PAMR1: variants seen among roughly 807,000 people sequenced by gnomAD.
The protein encoded by PAMR1 is inactive serine protease PAMR1.
PAMR1 carries 88 observed loss-of-function variants against 81.8 expected under a neutral mutation model. The observed-to-expected ratio is 1.08, with a 90% confidence interval of 0.91 to 1.28. The LOEUF is 1.28. Ranked by LOEUF, PAMR1 falls within the 50% of genes most tolerant of loss-of-function variation. PAMR1 has a pLI of 0.00. For synonymous variants in PAMR1, 336 were observed against 345.3 expected (o/e 0.97, Z 0.30); for missense variants, 935 against 919.7 (o/e 1.02, Z -0.21).
chr11:35,482,995 C>T (rs924370816), intron 3 of PAMR1, among the ~76,000 whole-genome samples: 2 of 152,192 alleles, frequency 1.3e-5, no homozygotes, highest in African/African-American at 4.8e-5. Flanking sequence ...TCCATTTCAT[C>T]ACCCATGCTC....
At chr11:35,468,263 G>T (rs1714638425) in intron 5 of PAMR1, among the ~76,000 whole-genome samples, 155 bp from the exon 6 acceptor site, 1 of 152,094 alleles carries the variant, frequency 6.6e-6, no homozygotes, top group Admixed American at 6.5e-5. Context: ...ATTTGAAAAT[G>T]CCTAAAATAG....
intron 1 of PAMR1, among the ~76,000 whole-genome samples, chr11:35,523,947 T>C (rs1396814900): frequency 6.6e-6 from 1 of 152,196 alleles, no homozygotes; most frequent in Non-Finnish European, 1.5e-5. Flanking sequence ...TCAGGTTTTT[T>C]TATTTTCTTT....
At chr11:35,516,111 G>T (rs970686839) in intron 1 of PAMR1, among the ~76,000 whole-genome samples, 2 of 152,158 alleles carry the variant, frequency 1.3e-5, no homozygotes, top group African/African-American at 4.8e-5. Flanking sequence ...TTTAATACCT[G>T]CAGTCAACCT....
At position 35,484,473 on chromosome 11, in the gene PAMR1, G is replaced by A. The variant is rs562974075; in HGVS notation, c.379+7572C>T. Reference sequence around the variant, plus strand: ...CGCAGCTCCCCTGGAGGGCAGCCCCGAAAGTCAGTAACACACAGCTTTGTA... The same window carrying A: ...CGCAGCTCCCCTGGAGGGCAGCCCCAAAAGTCAGTAACACACAGCTTTGTA... On this transcript the variant is annotated intron_variant, in intron 3 of 10. Transcript: ENST00000619888. Among the ~76,000 whole-genome samples the A allele has an allele frequency of 5.3e-5, 8 of 152,268 alleles. No individual in the cohort carries two copies. The South Asian group carries it at 1.7e-3, about 32-fold the overall frequency.
At chr11:35,490,489 T>C (rs929873732) in intron 3 of PAMR1, among the ~76,000 whole-genome samples, 5 of 152,202 alleles carry the variant, frequency 3.3e-5, no homozygotes, top group Admixed American at 6.5e-5. Flanking sequence ...TCTCAAACTA[T>C]TATTGAAAGT....
intron 1 of PAMR1, among the ~76,000 whole-genome samples, chr11:35,507,513 T>C (rs1446422917): frequency 2.0e-5 from 3 of 152,230 alleles, no homozygotes; most frequent in Non-Finnish European, 4.4e-5. Flanking sequence ...CTGATAAATT[T>C]CTGAATTAAT....
At chr11:35,445,602 A>G (rs1175304345) in intron 6 of PAMR1, among the ~76,000 whole-genome samples, 2 of 151,742 alleles carry the variant, frequency 1.3e-5, no homozygotes, top group Non-Finnish European at 2.9e-5. Flanking sequence ...ATGTTTTTTC[A>G]TCTTTAGTTC....
In PAMR1 at chr11:35,432,754, T is replaced by C. The variant is rs1364174128; in HGVS notation, c.1765A>G (p.Thr589Ala). 1 of 1,613,992 alleles carries C rather than the reference T, an allele frequency of 6.2e-7. No homozygotes were observed. The highest frequency in any genetic ancestry group is 2.2e-5 in the East Asian group (1 of 44,886). ...GTGATGTGGGACTCCTGGAAGGAAG[T>C]GCTGAGATCCCGACTGGCAGCGAGG... ...ICLAASRDLS[T>A]SFQESHITVA... is the part of the protein sequence containing the mutation. The change falls in exon 11 of 11, where the codon ACT (threonine) becomes GCT (alanine). Residue 589 changes from threonine (T) to alanine (A), a missense_variant. Thr to Ala is a moderately conservative substitution (Grantham distance 58). Coordinates refer to ENST00000619888, the MANE Select transcript of PAMR1 (RefSeq NM_001001991.3).
intron 1 of PAMR1, among the ~76,000 whole-genome samples, chr11:35,504,353 A>G (rs886412519): frequency 5.3e-5 from 8 of 151,980 alleles, no homozygotes; most frequent in African/African-American, 1.4e-4. Flanking sequence ...CTGTTGTTCT[A>G]TCCTCGTCTG....
chr11:35,503,922 T>C (rs1232637996), intron 1 of PAMR1, among the ~76,000 whole-genome samples: 3 of 152,168 alleles, frequency 2.0e-5, no homozygotes, highest in African/African-American at 7.2e-5. Flanking sequence ...ATAAAAGTGG[T>C]GAAAGTGGGC....
intron 1 of PAMR1, among the ~76,000 whole-genome samples, chr11:35,514,989 A>C (rs1851136977): frequency 6.6e-6 from 1 of 152,252 alleles, no homozygotes; most frequent in Non-Finnish European, 1.5e-5. Flanking sequence ...TGGGTGACAG[A>C]CCAAGATCCA....
chr11:35,483,311 C>T (rs943042940), intron 3 of PAMR1, among the ~76,000 whole-genome samples: 1 of 152,218 alleles, frequency 6.6e-6, no homozygotes, highest in African/African-American at 2.4e-5. Context: ...GACTGGGAAG[C>T]TGTGAGCCCA....
intron 5 of PAMR1, 134 bp downstream of exon 5, chr11:35,470,467 G>T: frequency 4.4e-6 from 3 of 681,766 alleles, no homozygotes; most frequent in Admixed American, 2.7e-5. Flanking sequence ...TTTTTTCTCA[G>T]TGTGTAGGCT....
intron 1 of PAMR1, among the ~76,000 whole-genome samples, chr11:35,505,227 AT>A (rs1454651807): frequency 6.6e-6 from 1 of 152,070 alleles, no homozygotes; most frequent in Non-Finnish European, 1.5e-5. Flanking sequence ...AACTGATATA[AT>A]TTCAACTGTT....
rs144495230 is a variant in PAMR1, at chr11:35,466,581, G to A, written c.820+1420C>T. ...TCTCTGTTAAAAATACAAAAAATTA[G>A]CCGGGTGTGGTGGCGGGCGCCTGTA... On this transcript the variant is annotated intron_variant, in intron 6 of 10. Coordinates refer to ENST00000619888, the MANE Select transcript of PAMR1 (RefSeq NM_001001991.3). Among the ~76,000 whole-genome samples the A allele has an allele frequency of 6.6e-4, 100 of 152,040 alleles. No homozygotes were observed. The Middle Eastern group carries it at 0.021, about 31-fold the overall frequency.
At chr11:35,508,064 C>T (rs1851003644) in intron 1 of PAMR1, among the ~76,000 whole-genome samples, 1 of 152,182 alleles carries the variant, frequency 6.6e-6, no homozygotes, top group African/African-American at 2.4e-5. Context: ...AGCAGAATTT[C>T]CAGGGCTGTG....
At chr11:35,436,956 G>T (rs1223018052) in intron 8 of PAMR1, among the ~76,000 whole-genome samples, 1 of 152,154 alleles carries the variant, frequency 6.6e-6, no homozygotes, top group African/African-American at 2.4e-5. Context: ...GCAATATTAG[G>T]AATTGACTCA....
chr11:35,449,411 G>A (rs989879441), intron 6 of PAMR1, among the ~76,000 whole-genome samples: 2 of 152,206 alleles, frequency 1.3e-5, no homozygotes, highest in African/African-American at 4.8e-5. Context: ...TAAACCCCTG[G>A]CTGGAGTTGC....
At chr11:35,458,321 T>G (rs541677049) in intron 6 of PAMR1, among the ~76,000 whole-genome samples, 1 of 152,340 alleles carries the variant, frequency 6.6e-6, no homozygotes, top group East Asian at 1.9e-4. Flanking sequence ...CTCTATTTTT[T>G]TATTGTTCTT....
Sources: allele counts gnomAD v4.1 joint callset (sites outside exome capture counted in the v4.1 genomes callset), GRCh38; gene constraint gnomAD v4.1.1; transcripts MANE v1.5; gene names NCBI Gene and HGNC (gene_info 2026-07-23, HGNC 2026-07-21).